Variants in RNF145 observed in about 807,000 individuals in gnomAD.
RNF145 encodes ring finger protein 145.
In RNF145, 12 loss-of-function variants were observed where a neutral mutation model predicts 57.3. The ratio of observed to expected loss-of-function variants is 0.21; its 90% confidence interval spans 0.13 to 0.34. The LOEUF (loss-of-function observed/expected upper bound fraction) is 0.34, where lower values mean the gene tolerates loss of function less well. RNF145 is among the 10% of genes least tolerant of loss of function. RNF145 has a pLI of 1.00. For missense variants in RNF145, 429 were observed against 799.0 expected (o/e 0.54, Z 5.58); for synonymous variants, 262 against 288.3 (o/e 0.91, Z 0.92).
intron 3 of RNF145, among the ~76,000 whole-genome samples, chr5:159,194,191 T>C (rs1445437236): frequency 6.6e-6 from 1 of 152,230 alleles, no homozygotes; most frequent in Non-Finnish European, 1.5e-5. Context: ...ACATCATAAA[T>C]TGATTTCCTA....
intron 3 of RNF145, among the ~76,000 whole-genome samples, chr5:159,188,158 G>A (rs559904136): frequency 1.2e-4 from 18 of 152,168 alleles, no homozygotes; most frequent in Admixed American, 5.9e-4. Flanking sequence ...CAAGGCGGGC[G>A]GATCACAAGG....
At chr5:159,185,298 A>G (rs138165060) in intron 3 of RNF145, among the ~76,000 whole-genome samples, 84 of 152,264 alleles carry the variant, frequency 5.5e-4, no homozygotes, top group African/African-American at 1.8e-3. Flanking sequence ...AGTTTTGGTG[A>G]CAGCTAAACT....
intron 3 of RNF145, among the ~76,000 whole-genome samples, chr5:159,191,411 A>C: frequency 6.6e-6 from 1 of 152,042 alleles, no homozygotes; most frequent in East Asian, 1.9e-4. Context: ...TCATCTGTAA[A>C]TCCCAAAGGA....
At chr5:159,195,550 G>A (rs929064173) in intron 2 of RNF145, among the ~76,000 whole-genome samples, 20 of 152,174 alleles carry the variant, frequency 1.3e-4, no homozygotes, top group African/African-American at 4.3e-4. Context: ...AAGACATCCT[G>A]CTTATTTTTG....
intron 3 of RNF145, among the ~76,000 whole-genome samples, chr5:159,186,073 A>AC (rs1785043848): frequency 6.6e-6 from 1 of 152,154 alleles, no homozygotes; most frequent in South Asian, 2.1e-4. Flanking sequence ...AACAAAAAAT[A>AC]CAACAATTAG....
In RNF145 at chr5:159,158,780, C is replaced by T; in HGVS notation, c.1882G>A (p.Asp628Asn). 1 of 1,613,958 alleles carries T rather than the reference C, an allele frequency of 6.2e-7. No individual in the cohort carries two copies. The highest frequency in any genetic ancestry group is 8.5e-7 in the Non-Finnish European group (1 of 1,179,872). Residue 628 changes from aspartate (D) to asparagine (N), a missense_variant, in exon 11 of 11, where the codon GAC (aspartate) becomes AAC (asparagine). Physicochemically the swap from Asp to Asn is conservative, Grantham distance 23. Transcript: ENST00000424310. Reference sequence around the variant, plus strand: ...CGTCTGGCAATGTACTCATTATTGTCCCTGGAACCTTCCTGTATCCTGGTC... The same window carrying T: ...CGTCTGGCAATGTACTCATTATTGTTCCTGGAACCTTCCTGTATCCTGGTC... ...PGTRIQEGSRDNNEYIARRPD... is the reference protein window; with the variant it reads ...PGTRIQEGSRNNNEYIARRPD...
intron 2 of RNF145, among the ~76,000 whole-genome samples, chr5:159,196,636 C>G (rs1214106601): frequency 9.2e-5 from 14 of 152,180 alleles, no homozygotes; most frequent in Admixed American, 9.2e-4. Flanking sequence ...TCCTACACAT[C>G]CTAACTGCAA....
rs1315640389 is a variant in RNF145 at position 159,209,360 on chromosome 5, C to T, written c.-169G>A. The T allele has an allele frequency of 5.1e-6, 5 of 986,108 alleles. No homozygotes were observed. The highest frequency in any genetic ancestry group is 6.0e-6 in the Non-Finnish European group (5 of 830,154). The allele number at this position is 986,108 out of a possible 1,614,324, so 61.1% of individuals were successfully genotyped here. On this transcript the variant is annotated 5_prime_UTR_variant, in exon 1 of 11. Coordinates refer to ENST00000424310, the MANE Select transcript of RNF145 (RefSeq NM_001199383.2). ...GGGGCCGGTACGGCACGGCTCACAG[C>T]GGCGGCTCTTCTGCGCCGAGCCTCG...
chr5:159,174,049 T>C lies in RNF145; in HGVS notation c.731A>G (p.Tyr244Cys), dbSNP rs766392048. 6.2e-7 allele frequency: 1 copy of C among 1,613,162 alleles called. No homozygotes were observed. The highest frequency in any genetic ancestry group is 1.1e-5 in the South Asian group (1 of 91,018). ...CTGATCTCGAGTACTGAAATAGGAG[T>C]AAATCTGAAGAGCAAATAAGACGAG... is the stretch of plus-strand genomic sequence containing the variant. The part of the protein sequence containing the change: ...FWLVLFALQI[Y>C]SYFSTRDQPA... The change falls in exon 6 of 11, where the codon TAC (tyrosine) becomes TGC (cysteine). Residue 244 changes from tyrosine (Y) to cysteine (C), a missense_variant. Tyr to Cys is a radical substitution (Grantham distance 194). Around this residue, in one of 4 missense-constraint regions of RNF145, gnomAD observed 216 missense variants for 457.6 expected, o/e 0.47. Transcript: ENST00000424310.
At chr5:159,159,101 A>C in intron 10 of RNF145, 66 bp from the exon 11 acceptor site, 1 of 1,459,784 alleles carries the variant, frequency 6.9e-7, no homozygotes, top group Non-Finnish European at 9.3e-7. Flanking sequence ...TGCTATCCCC[A>C]AAGTTCTGGT....
At chr5:159,170,169 C>T (rs1584670748) in intron 6 of RNF145, among the ~76,000 whole-genome samples, 1 of 152,342 alleles carries the variant, frequency 6.6e-6, no homozygotes, top group South Asian at 2.1e-4. Flanking sequence ...GTTGCCCACT[C>T]TTCTTCCTGA....
At chr5:159,170,516 ATTAAC>A (rs1412477068) in intron 6 of RNF145, among the ~76,000 whole-genome samples, 14 of 151,916 alleles carry the variant, frequency 9.2e-5, no homozygotes, top group Admixed American at 9.2e-4. Flanking sequence ...CTTCTTAGAT[ATTAAC>A]TTATATGTAT....
chr5:159,161,189 A>G, intron 10 of RNF145, 77 bp downstream of exon 10: 1 of 859,054 alleles, frequency 1.2e-6, no homozygotes, highest in East Asian at 2.7e-5. Flanking sequence ...ATTTAAGTTG[A>G]ATTTGGTTAA....
intron 6 of RNF145, 87 bp from the exon 7 acceptor site, chr5:159,169,906 G>T: frequency 9.5e-7 from 1 of 1,049,820 alleles, no homozygotes; most frequent in Non-Finnish European, 1.3e-6. Flanking sequence ...CACCAAGCTT[G>T]ATTTGATACT....
intron 10 of RNF145, 39 bp downstream of exon 10, chr5:159,161,227 G>T: frequency 1.5e-6 from 2 of 1,356,888 alleles, no homozygotes; most frequent in Non-Finnish European, 2.1e-6. Flanking sequence ...GGGATACACT[G>T]TATGACTTAC....
At chr5:159,206,986 C>CA (rs1785911199) in intron 1 of RNF145, among the ~76,000 whole-genome samples, 1 of 150,984 alleles carries the variant, frequency 6.6e-6, no homozygotes, top group African/African-American at 2.4e-5. Flanking sequence ...CATTTCTTTC[C>CA]AAAAACCACA....
intron 8 of RNF145, among the ~76,000 whole-genome samples, chr5:159,166,797 G>A (rs1192660341): frequency 1.3e-5 from 2 of 152,096 alleles, no homozygotes; most frequent in Non-Finnish European, 2.9e-5. Context: ...GAGTGGACTT[G>A]GGGGGTATTC....
At chr5:159,171,074 G>A (rs1003302044) in intron 6 of RNF145, among the ~76,000 whole-genome samples, 5 of 152,016 alleles carry the variant, frequency 3.3e-5, no homozygotes, top group Non-Finnish European at 1.5e-5. Context: ...AATTTTACAT[G>A]GTACCAATGT....
chr5:159,209,868 G>A (rs1052845123), upstream of RNF145: 40 of 1,535,952 alleles, frequency 2.6e-5, no homozygotes, highest in African/African-American at 5.3e-4. Flanking sequence ...GGGACCACGT[G>A]GGAGAATTTG....
Sources: allele counts gnomAD v4.1 joint callset (sites outside exome capture counted in the v4.1 genomes callset), GRCh38; gene constraint gnomAD v4.1.1; regional missense constraint gnomAD v4.1.1; transcripts MANE v1.5; gene names NCBI Gene and HGNC (gene_info 2026-07-23, HGNC 2026-07-21).